Variants in SLC24A2 observed in about 807,000 individuals in gnomAD.
The protein encoded by SLC24A2 is solute carrier family 24 member 2, also known as sodium/potassium/calcium exchanger 2.
Under a neutral mutation model 62.0 loss-of-function variants are expected in SLC24A2, and 36 were observed. That is an observed-to-expected ratio of 0.58 (90% CI 0.44 to 0.77). The LOEUF is 0.77. SLC24A2 is among the 30% of genes least tolerant of loss of function. SLC24A2 has a pLI of 0.00. For synonymous variants in SLC24A2, 358 were observed against 294.0 expected, an observed-to-expected ratio of 1.22 and a Z score of -2.23; for missense variants, 846 against 817.9, an observed-to-expected ratio of 1.03 and a Z score of -0.42.
the SLC24A2 span, among the ~76,000 whole-genome samples, chr9:20,137,885 A>C: frequency 1.3e-5 from 2 of 152,172 alleles, no homozygotes; most frequent in African/African-American, 4.8e-5. Flanking sequence ...ATTGATGATA[A>C]CTAAGTTTAA....
intron 2 of SLC24A2, among the ~76,000 whole-genome samples, chr9:19,778,774 T>G (rs1822920823): frequency 6.6e-6 from 1 of 152,074 alleles, no homozygotes; most frequent in African/African-American, 2.4e-5. Context: ...CCAAGAAACA[T>G]ATGCTCAAAG....
the SLC24A2 span, among the ~76,000 whole-genome samples, chr9:20,299,011 G>A: frequency 2.0e-5 from 3 of 152,090 alleles, no homozygotes; most frequent in Admixed American, 6.5e-5. Context: ...TTTGGGGGTC[G>A]GGATGTATAT....
intron 7 of SLC24A2, among the ~76,000 whole-genome samples, chr9:19,550,725 A>ACTG (rs1462273969): frequency 6.7e-6 from 1 of 149,662 alleles, no homozygotes; most frequent in East Asian, 1.9e-4. Flanking sequence ...TTTTTGGAAC[A>ACTG]CTGATTTTCA....
At chr9:19,563,284 T>A (rs924478376) in intron 7 of SLC24A2, among the ~76,000 whole-genome samples, 1 of 152,166 alleles carries the variant, frequency 6.6e-6, no homozygotes, top group African/African-American at 2.4e-5. Context: ...AACCTCTTAT[T>A]ATACTTCACT....
the SLC24A2 span, among the ~76,000 whole-genome samples, chr9:20,273,221 C>T: frequency 6.6e-6 from 1 of 152,236 alleles, no homozygotes; most frequent in African/African-American, 2.4e-5. Context: ...CACCCTCAGA[C>T]ACTGCCCCAC....
At chr9:19,787,327 T>C (rs1823205444) in intron 1 of SLC24A2, among the ~76,000 whole-genome samples, 3 of 152,192 alleles carry the variant, frequency 2.0e-5, no homozygotes, top group Admixed American at 6.5e-5. Flanking sequence ...AAGGCAGATG[T>C]AAGAATAAAA....
At chr9:19,967,392 A>G in the SLC24A2 span, 3 of 152,176 alleles carry the variant, frequency 2.0e-5, no homozygotes, top group Non-Finnish European at 4.4e-5. Flanking sequence ...TCATTCCCCA[A>G]CAGATGAAGT....
At position 19,686,538 on chromosome 9, in the gene SLC24A2, C is replaced by A. The variant is rs140013558; in HGVS notation, c.931-64239G>T. Among the ~76,000 whole-genome samples the A allele has an allele frequency of 1.5e-4, 23 of 152,192 alleles. No individual in the cohort carries two copies. In the East Asian group the frequency reaches 4.3e-3, roughly 28 times the overall value. On this transcript the variant is annotated intron_variant, in intron 2 of 10. Coordinates refer to ENST00000341998, the MANE Select transcript of SLC24A2 (RefSeq NM_020344.4). ...AATCTCCACGTCTTGCGGGAGGGAG[C>A]CCATGGGAGGTAATTTAATCATGGG...
the SLC24A2 span, among the ~76,000 whole-genome samples, chr9:20,174,354 G>A: frequency 7.2e-5 from 11 of 151,890 alleles, no homozygotes; most frequent in African/African-American, 2.2e-4. Context: ...ATAAATAGCT[G>A]GGACTTAATT....
the SLC24A2 span, among the ~76,000 whole-genome samples, chr9:19,950,463 A>G: frequency 6.6e-6 from 1 of 152,034 alleles, no homozygotes; most frequent in Non-Finnish European, 1.5e-5. Context: ...TAACATTTTA[A>G]TAAATCCATC....
intron 2 of SLC24A2, among the ~76,000 whole-genome samples, chr9:19,743,172 C>T (rs1250678833): frequency 1.3e-5 from 2 of 152,186 alleles, no homozygotes; most frequent in African/African-American, 4.8e-5. Context: ...GTTCCACTGT[C>T]TGCATCACAT....
At chr9:20,253,487 T>C in the SLC24A2 span, among the ~76,000 whole-genome samples, 1 of 152,168 alleles carries the variant, frequency 6.6e-6, no homozygotes, top group African/African-American at 2.4e-5. Flanking sequence ...AGAGACCAAA[T>C]CTCACTATTG....
chr9:19,710,574 C>G (rs1820684840), intron 2 of SLC24A2, among the ~76,000 whole-genome samples: 1 of 152,004 alleles, frequency 6.6e-6, no homozygotes, highest in African/African-American at 2.4e-5. Flanking sequence ...AGGTGCTCAA[C>G]AAACTAAAAG....
chr9:20,006,919 G>A, the SLC24A2 span, among the ~76,000 whole-genome samples: 1 of 152,150 alleles, frequency 6.6e-6, no homozygotes, highest in Non-Finnish European at 1.5e-5. Flanking sequence ...AAGCATTACT[G>A]TGAGGATAAA....
At chr9:19,765,110 T>G (rs924762095) in intron 2 of SLC24A2, among the ~76,000 whole-genome samples, 15 of 152,210 alleles carry the variant, frequency 9.9e-5, no homozygotes, top group South Asian at 4.1e-4. Context: ...GAGACTAGGA[T>G]TGCAACTCCT....
Position 19,577,145 on chromosome 9 carries a change from A to G in SLC24A2, c.1130-123T>C, listed in dbSNP as rs910902209. The stretch of plus-strand genomic sequence containing the variant: ...TAGCGTGACCACTCCATTCTGTCCA[A>G]CCCCAATGCACCAGGACCTTCCTGA... On this transcript the variant is annotated intron_variant, in intron 5 of 10. Transcript: ENST00000341998. 1.4e-5 allele frequency: 11 copies of G among 787,094 alleles called. No homozygotes were observed. The African/African-American group carries it at 1.5e-4, about 11-fold the overall frequency. 48.8% of individuals were successfully genotyped at this position (787,094 alleles called of 1,614,324 possible). A position where few individuals can be genotyped will look rare whatever the true frequency, so the allele number is the denominator to read the frequency against.
chr9:19,897,068 C>G, the SLC24A2 span, among the ~76,000 whole-genome samples: 2 of 152,104 alleles, frequency 1.3e-5, no homozygotes, highest in African/African-American at 4.8e-5. Flanking sequence ...CCACATCAAG[C>G]CTTCTTCATA....
the SLC24A2 span, among the ~76,000 whole-genome samples, chr9:19,997,374 T>G: frequency 6.6e-6 from 1 of 152,216 alleles, no homozygotes; most frequent in Non-Finnish European, 1.5e-5. Context: ...CTTTACAGTT[T>G]GATACAACTT....
chr9:19,759,610 A>T (rs1822253635), intron 2 of SLC24A2, among the ~76,000 whole-genome samples: 2 of 152,220 alleles, frequency 1.3e-5, no homozygotes, highest in Admixed American at 1.3e-4. Context: ...TAATTGCTGT[A>T]TCTCTTTAAG....
Sources: allele counts gnomAD v4.1 joint callset (sites outside exome capture counted in the v4.1 genomes callset), GRCh38; gene constraint gnomAD v4.1.1; transcripts MANE v1.5; gene names NCBI Gene and HGNC (gene_info 2026-07-23, HGNC 2026-07-21).